IL10: variants seen among roughly 807,000 people sequenced by gnomAD.
The protein encoded by IL10 is interleukin 10.
Under a neutral mutation model 21.0 loss-of-function variants are expected in IL10, and 7 were observed. The observed-to-expected ratio is 0.33, with a 90% confidence interval of 0.19 to 0.63. The LOEUF (loss-of-function observed/expected upper bound fraction) is 0.63, where lower values mean the gene tolerates loss of function less well. Ranked by LOEUF, IL10 falls within the 20% of genes least tolerant of loss-of-function variation. IL10 has a pLI of 0.77. For missense variants in IL10, 161 were observed against 213.0 expected (o/e 0.76, Z 1.52); for synonymous variants, 83 against 79.7 (o/e 1.04, Z -0.22).
At chr1:206,768,770 G>A in intron 4 of IL10, 42 bp from the exon 5 acceptor site, 2 of 1,268,050 alleles carry the variant, frequency 1.6e-6, no homozygotes, top group Non-Finnish European at 2.3e-6. Flanking sequence ...AATCCTTTCT[G>A]GGGACTAAAT....
chr1:206,770,420 A>C (rs538177424), intron 3 of IL10: 5 of 270,598 alleles, frequency 1.8e-5, no homozygotes, highest in East Asian at 1.8e-4. Context: ...ACTCATAGAC[A>C]CTAGCCTGGG....
Position 206,769,868 on chromosome 1 carries a change from C to G in IL10, c.405G>C (p.Lys135Asn), listed in dbSNP as rs1252096113. ...RCHRFLPCEN[K>N]SKAVEQVKNA... is the part of the protein sequence containing the mutation. ...TCTTCACCTGCTCCACGGCCTTGCT[C>G]TTGTTTTCACAGGGAAGAAATCGAT... The change falls in exon 4 of 5, where the codon AAG (lysine) becomes AAC (asparagine). Residue 135 changes from lysine to asparagine, a missense_variant. Transcript: ENST00000423557. 1 of 1,613,978 alleles carries G rather than the reference C, an allele frequency of 6.2e-7. No individual in the cohort carries two copies. Among genetic ancestry groups the G allele is most frequent in the Non-Finnish European group, 8.5e-7 (1 of 1,179,962 alleles).
At position 206,771,341 on chromosome 1, in the gene IL10, C is replaced by T. The variant is rs1342823726; in HGVS notation, c.225+15G>A. 14 of 1,611,164 alleles carry T rather than the reference C, an allele frequency of 8.7e-6. No homozygotes were observed. The highest frequency in any genetic ancestry group is 1.7e-5 in the Admixed American group (1 of 60,000). On this transcript the variant is annotated intron_variant, in intron 2 of 4. Coordinates refer to ENST00000423557, the MANE Select transcript of IL10 (RefSeq NM_000572.3). ...CATGCTGCACACTCCCCCAGCACCC[C>T]GCCCCTGCTCTCACCTTAAAGTCCT...
chr1:206,771,564 A>G, intron 1 of IL10, 149 bp from the exon 2 acceptor site: 1 of 705,484 alleles, frequency 1.4e-6, no homozygotes. Flanking sequence ...TTAAAAACAG[A>G]GGATTCAACA....
At chr1:206,770,596 C>T in intron 3 of IL10, 1 of 410,154 alleles carries the variant, frequency 2.4e-6, no homozygotes, top group South Asian at 2.8e-5. Context: ...TACAAAGAGG[C>T]AGTGGAGGCC....
At chr1:206,769,960 G>A in intron 3 of IL10, 66 bp from the exon 4 acceptor site, 2 of 1,340,138 alleles carry the variant, frequency 1.5e-6, no homozygotes, top group Non-Finnish European at 1.1e-6. Flanking sequence ...ACACTTAGGG[G>A]ACAAGCTGGT....
chr1:206,769,628 C>A (rs1180696789), intron 4 of IL10: 1 of 638,578 alleles, frequency 1.6e-6, no homozygotes, highest in East Asian at 2.7e-5. Flanking sequence ...TAGAAACCCC[C>A]AAAGACACTT....
intron 2 of IL10, 40 bp from the exon 3 acceptor site, chr1:206,771,099 G>A: frequency 6.2e-7 from 1 of 1,611,866 alleles, no homozygotes; most frequent in Non-Finnish European, 8.5e-7. Flanking sequence ...GATTGGCGGA[G>A]GTGGCTGGGA....
intron 4 of IL10, chr1:206,769,605 G>T: frequency 1.6e-6 from 1 of 606,152 alleles, no homozygotes; most frequent in Non-Finnish European, 3.0e-6. Context: ...TGCAAAGGCA[G>T]CGAGCAGTCA....
intron 3 of IL10, 69 bp downstream of exon 3, chr1:206,770,838 T>A (rs1485393293): frequency 7.0e-7 from 1 of 1,434,972 alleles, no homozygotes; most frequent in Non-Finnish European, 9.8e-7. Context: ...GATGTGAGTG[T>A]CCCTGCTGGT....
At position 206,768,536 on chromosome 1, in the gene IL10, G is replaced by T. The variant is rs773677090; in HGVS notation, c.*100C>A. 1.4e-5 allele frequency: 10 copies of T among 723,592 alleles called. No homozygotes were observed. Among genetic ancestry groups the T allele is most frequent in the East Asian group, 1.0e-4 (4 of 38,550 alleles). The allele number at this position is 723,592 out of a possible 1,614,324, so 44.8% of individuals were successfully genotyped here. A position where few individuals can be genotyped will look rare whatever the true frequency, so the allele number is the denominator to read the frequency against. On this transcript the variant is annotated 3_prime_UTR_variant, in exon 5 of 5. Coordinates refer to ENST00000423557, the MANE Select transcript of IL10 (RefSeq NM_000572.3). ...TATTCTATAAGAGAGGTACAATAAG[G>T]TTTCTCAAGGGGCTGGGTCAGCTAT...
At chr1:206,772,166 G>T in intron 1 of IL10, 105 bp downstream of exon 1, 1 of 967,270 alleles carries the variant, frequency 1.0e-6, no homozygotes, top group East Asian at 2.5e-5. Flanking sequence ...ATAGGTGTTG[G>T]GGATGGAGGT....
chr1:206,770,275 G>A (rs1229569600), intron 3 of IL10: 2 of 369,394 alleles, frequency 5.4e-6, no homozygotes, highest in Non-Finnish European at 1.0e-5. Context: ...GGAAGCTACT[G>A]GGACCAAACC....
In IL10 at chr1:206,769,853, C is replaced by T; in HGVS notation, c.420G>A (p.Glu140=). 6.2e-7 allele frequency: 1 copy of T among 1,614,042 alleles called. No homozygotes were observed. Among genetic ancestry groups the T allele is most frequent in the Non-Finnish European group, 8.5e-7 (1 of 1,179,898 alleles). Residue 140 remains glutamate, a synonymous_variant, in exon 4 of 5, where the codon GAG becomes GAA. Coordinates refer to ENST00000423557, the MANE Select transcript of IL10 (RefSeq NM_000572.3). ...CCTTATTAAAGGCATTCTTCACCTG[C>T]TCCACGGCCTTGCTCTTGTTTTCAC... ...LPCENKSKAV[E]QVKNAFNKLQ... is the part of the protein sequence containing the mutation.
At chr1:206,771,831 C>T (rs572250129) in intron 1 of IL10, among the ~76,000 whole-genome samples, 1 of 152,342 alleles carries the variant, frequency 6.6e-6, no homozygotes, top group South Asian at 2.1e-4. Flanking sequence ...TAAGAAGCTC[C>T]TTCTAATGCA....
chr1:206,771,214 G>T, intron 2 of IL10, 142 bp downstream of exon 2: 2 of 1,128,088 alleles, frequency 1.8e-6, no homozygotes, highest in Non-Finnish European at 2.7e-6. Flanking sequence ...CCCTCTGGCT[G>T]CTGGATGTGC....
chr1:206,770,859 T>G, intron 3 of IL10, 48 bp downstream of exon 3: 2 of 1,573,902 alleles, frequency 1.3e-6, no homozygotes, highest in Non-Finnish European at 1.7e-6. Context: ...CTGTAGGAGA[T>G]GGTATTTTGG....
chr1:206,772,466 G>A lies in IL10; in HGVS notation c.-31C>T. ...CTTTTGCAAGTCTGTCTTGTGGTTT[G>A]GTTTTGCAAGAGCAAGCCCCTGATG... On this transcript the variant is annotated 5_prime_UTR_variant, in exon 1 of 5. Coordinates refer to ENST00000423557, the MANE Select transcript of IL10 (RefSeq NM_000572.3). 1 of 1,612,248 alleles carries A rather than the reference G, an allele frequency of 6.2e-7. No homozygotes were observed. The highest frequency in any genetic ancestry group is 8.5e-7 in the Non-Finnish European group (1 of 1,179,448).
chr1:206,768,291 T>A lies in IL10; in HGVS notation c.*345A>T, dbSNP rs3024510. 919 of 317,028 alleles carry A rather than the reference T, an allele frequency of 2.9e-3. 2 individuals carry two copies. Among genetic ancestry groups the A allele is most frequent in the Middle Eastern group, 5.7e-3 (6 of 1,050 alleles). 19.6% of individuals were successfully genotyped at this position (317,028 alleles called of 1,614,324 possible). A position where few individuals can be genotyped will look rare whatever the true frequency, so the allele number is the denominator to read the frequency against. ...GTCAGGCTTGGAATGGAAGCTTCTG[T>A]TGGCTCCCCAAAGAACATTTTTTTT... On this transcript the variant is annotated 3_prime_UTR_variant, in exon 5 of 5. Transcript: ENST00000423557.
Sources: allele counts gnomAD v4.1 joint callset (sites outside exome capture counted in the v4.1 genomes callset), GRCh38; gene constraint gnomAD v4.1.1; transcripts MANE v1.5; gene names NCBI Gene and HGNC (gene_info 2026-07-23, HGNC 2026-07-21).